PRR16: variants seen among roughly 807,000 people sequenced by gnomAD.
PRR16 encodes the protein proline rich 16.
A neutral mutation model predicts 18.2 loss-of-function variants in PRR16; 6 were observed. That is an observed-to-expected ratio of 0.33 (90% confidence interval 0.18 to 0.65). The LOEUF (loss-of-function observed/expected upper bound fraction) is 0.65. PRR16 is among the 30% of genes least tolerant of loss of function. The pLI, the probability that PRR16 is intolerant of heterozygous loss-of-function variation, is 0.74. For missense variants in PRR16, 412 were observed against 376.6 expected (o/e 1.09, Z -0.78); for synonymous variants, 151 against 147.8 (o/e 1.02, Z -0.16).
intron 1 of PRR16, among the ~76,000 whole-genome samples, chr5:120,589,680 G>A (rs2840170): frequency 0.22 from 32,836 of 151,968 alleles, 4,254 homozygotes; most frequent in Middle Eastern, 0.38. Context: ...GGAAATCCCT[G>A]ATAAAACCAT....
At chr5:120,624,616 G>A (rs897295566) in intron 1 of PRR16, among the ~76,000 whole-genome samples, 2 of 152,070 alleles carry the variant, frequency 1.3e-5, no homozygotes, top group Non-Finnish European at 2.9e-5. Flanking sequence ...TCTGAAAGTG[G>A]AGATAATAAA....
chr5:120,625,872 A>C (rs768176542), intron 1 of PRR16, among the ~76,000 whole-genome samples: 1 of 152,126 alleles, frequency 6.6e-6, no homozygotes. Flanking sequence ...CCTCATGACA[A>C]GCTTATTTAT....
chr5:120,761,434 C>T, the PRR16 span, among the ~76,000 whole-genome samples: 2 of 152,056 alleles, frequency 1.3e-5, no homozygotes, highest in Non-Finnish European at 2.9e-5. Flanking sequence ...AAGACTATAT[C>T]TATAAAGAGG....
chr5:120,637,923 A>G (rs561612159), intron 1 of PRR16, among the ~76,000 whole-genome samples: 1 of 152,286 alleles, frequency 6.6e-6, no homozygotes, highest in South Asian at 2.1e-4. Flanking sequence ...ACCTTTTGTA[A>G]AATACAAGTT....
intron 1 of PRR16, among the ~76,000 whole-genome samples, chr5:120,595,966 T>C (rs1479410532): frequency 6.6e-6 from 1 of 151,912 alleles, no homozygotes; most frequent in African/African-American, 2.4e-5. Context: ...AGTTTGAGGT[T>C]TTCATAGCAA....
At chr5:120,475,916 G>A (rs1749426545) in intron 1 of PRR16, among the ~76,000 whole-genome samples, 1 of 152,110 alleles carries the variant, frequency 6.6e-6, no homozygotes, top group Non-Finnish European at 1.5e-5. Flanking sequence ...TTATGGAAGA[G>A]TATTAAGGGT....
chr5:120,715,603 T>C, the PRR16 span, among the ~76,000 whole-genome samples: 1 of 152,248 alleles, frequency 6.6e-6, no homozygotes, highest in Non-Finnish European at 1.5e-5. Flanking sequence ...TTTCATTTCA[T>C]AATTCAAATA....
At chr5:120,484,785 T>C (rs1397400650) in intron 1 of PRR16, among the ~76,000 whole-genome samples, 1 of 150,654 alleles carries the variant, frequency 6.6e-6, no homozygotes, top group Non-Finnish European at 1.5e-5. Flanking sequence ...TAAAATAAAA[T>C]GTGTCATATA....
At chr5:120,590,999 G>T (rs899310093) in intron 1 of PRR16, among the ~76,000 whole-genome samples, 1 of 151,962 alleles carries the variant, frequency 6.6e-6, no homozygotes, top group Non-Finnish European at 1.5e-5. Flanking sequence ...TGTACTGTAG[G>T]CTGGGTGTGG....
At chr5:120,747,766 G>A in the PRR16 span, among the ~76,000 whole-genome samples, 6 of 151,652 alleles carry the variant, frequency 4.0e-5, no homozygotes, top group African/African-American at 1.2e-4. Flanking sequence ...GATGAAGGAA[G>A]GAAGGAAGGA....
At chr5:120,602,904 G>A (rs1399658331) in intron 1 of PRR16, among the ~76,000 whole-genome samples, 1 of 152,064 alleles carries the variant, frequency 6.6e-6, no homozygotes, top group Non-Finnish European at 1.5e-5. Flanking sequence ...TCGCATCTCA[G>A]GGATAAAGCC....
At chr5:120,581,268 G>A (rs1753262873) in intron 1 of PRR16, among the ~76,000 whole-genome samples, 1 of 152,154 alleles carries the variant, frequency 6.6e-6, no homozygotes, top group East Asian at 1.9e-4. Flanking sequence ...ATGCATCCAG[G>A]AATTTATCCA....
rs10717083 is a variant in PRR16 at position 120,615,384 on chromosome 5, CTTT to C, written c.160-70554_160-70552del. Among the ~76,000 whole-genome samples the C allele has an allele frequency of 1.3e-3, 155 of 119,452 alleles. 1 individual carries two copies. The highest frequency in any genetic ancestry group is 4.6e-3 in the African/African-American group (148 of 32,118). The allele number at this position is 119,452 out of a possible 152,430, so 78.4% of individuals were successfully genotyped here. A position where few individuals can be genotyped will look rare whatever the true frequency, so the allele number is the denominator to read the frequency against. ...CTATGGATTTCTTTTTCTTTCTTTT[CTTT>C]TTTTTTTTTTTTTTTGATAAAATTT... On this transcript the variant is annotated intron_variant, in intron 1 of 1. Coordinates refer to ENST00000407149, the MANE Select transcript of PRR16 (RefSeq NM_001300783.2).
chr5:120,789,089 T>C, the PRR16 span, among the ~76,000 whole-genome samples: 1 of 152,086 alleles, frequency 6.6e-6, no homozygotes, highest in African/African-American at 2.4e-5. Context: ...CAGGGGGTTC[T>C]CAGATGGACT....
intron 1 of PRR16, among the ~76,000 whole-genome samples, chr5:120,510,794 C>G (rs1437691769): frequency 6.6e-6 from 1 of 152,090 alleles, no homozygotes; most frequent in East Asian, 1.9e-4. Context: ...ATTTCTGATG[C>G]ACTAAGTTTG....
At chr5:120,644,615 T>A (rs1755531511) in intron 1 of PRR16, among the ~76,000 whole-genome samples, 2 of 152,124 alleles carry the variant, frequency 1.3e-5, no homozygotes, top group Admixed American at 1.3e-4. Context: ...TCTTGCCTTT[T>A]GGGTCAAAAT....
the PRR16 span, among the ~76,000 whole-genome samples, chr5:120,718,724 C>A: frequency 6.6e-6 from 1 of 152,006 alleles, no homozygotes; most frequent in Non-Finnish European, 1.5e-5. Flanking sequence ...GGGGGTGAAC[C>A]TAGAATATAA....
chr5:120,575,890 TTGA>T (rs1421090785), intron 1 of PRR16, among the ~76,000 whole-genome samples: 1 of 152,116 alleles, frequency 6.6e-6, no homozygotes, highest in Non-Finnish European at 1.5e-5. Flanking sequence ...CTATAGCCAA[TTGA>T]TTTTAAGCAA....
chr5:120,656,862 T>C (rs1755997359), intron 1 of PRR16, among the ~76,000 whole-genome samples: 1 of 151,972 alleles, frequency 6.6e-6, no homozygotes, highest in Non-Finnish European at 1.5e-5. Flanking sequence ...ATAATGTTCC[T>C]TTTATTGAAG....
Sources: allele counts gnomAD v4.1 joint callset (sites outside exome capture counted in the v4.1 genomes callset), GRCh38; gene constraint gnomAD v4.1.1; transcripts MANE v1.5; gene names NCBI Gene and HGNC (gene_info 2026-07-23, HGNC 2026-07-21).